The following CASK variants were observed in gnomAD, a reference collection of about 807,000 sequenced individuals.
The protein encoded by CASK is peripheral plasma membrane protein CASK.
In CASK, 4 loss-of-function variants were observed where a neutral mutation model predicts 82.9. That is an observed-to-expected ratio of 0.05 (90% CI 0.02 to 0.11). The LOEUF (loss-of-function observed/expected upper bound fraction) is 0.11. Ranked by LOEUF, CASK falls within the 10% of genes least tolerant of loss-of-function variation. CASK has a pLI of 1.00. For synonymous variants in CASK, 259 were observed against 253.5 expected (o/e 1.02, Z -0.20); for missense variants, 358 against 720.9 (o/e 0.50, Z 5.76).
intron 1 of CASK, among the ~76,000 whole-genome samples, chrX:41,907,453 C>T (rs753115002): frequency 1.8e-5 from 2 of 111,804 alleles, no homozygotes; most frequent in East Asian, 5.6e-4. Context: ...GTATTTTATA[C>T]GAAGTTGACC....
rs1345819408 is a variant in CASK at position 41,829,711 on chromosome X, A to ACATATATG, written c.172+23403_172+23404insCATATATG. Among the ~76,000 whole-genome samples the ACATATATG allele has an allele frequency of 7.1e-4, 10 of 14,067 alleles. 1 individual carries two copies. The highest frequency in any genetic ancestry group is 8.4e-4 in the Non-Finnish European group (8 of 9,523). The allele number at this position is 14,067 out of a possible 115,157, so 12.2% of individuals were successfully genotyped here. A position where few individuals can be genotyped will look rare whatever the true frequency, so the allele number is the denominator to read the frequency against. On this transcript the variant is annotated intron_variant, in intron 2 of 26. Transcript: ENST00000378163. ...TAGGTCACAAGATATATATATATAT[A>ACATATATG]TATATATATATATATATATATATAT... is the stretch of plus-strand genomic sequence containing the variant.
At chrX:41,777,079 T>C (rs1439340141) in intron 3 of CASK, among the ~76,000 whole-genome samples, 1 of 111,979 alleles carries the variant, frequency 8.9e-6, no homozygotes, top group Non-Finnish European at 1.9e-5. Flanking sequence ...AATGAATAAA[T>C]AGTGCGAGTT....
chrX:41,700,931 C>CAAAAAAAA (rs1215266415), intron 5 of CASK, among the ~76,000 whole-genome samples: 2 of 37,121 alleles, frequency 5.4e-5, no homozygotes, highest in African/African-American at 1.2e-4. Context: ...GACTCCGTCT[C>CAAAAAAAA]AAAAAAAAAA....
chrX:41,893,040 A>T (rs927180755), intron 1 of CASK, among the ~76,000 whole-genome samples: 1 of 112,349 alleles, frequency 8.9e-6, no homozygotes, highest in African/African-American at 3.2e-5. Context: ...ATAATGAGTT[A>T]TCAAGAACAT....
intron 10 of CASK, among the ~76,000 whole-genome samples, chrX:41,623,035 A>C (rs1222708944): frequency 1.8e-5 from 2 of 109,999 alleles, no homozygotes; most frequent in African/African-American, 6.6e-5. Flanking sequence ...CTAGGACTAC[A>C]GGCACATGCC....
intron 21 of CASK, among the ~76,000 whole-genome samples, chrX:41,547,016 C>T (rs1210337904): frequency 6.3e-5 from 7 of 111,036 alleles, no homozygotes; most frequent in African/African-American, 9.8e-5. Context: ...CTGCAACCTC[C>T]GCCTCCCGGG....
chrX:41,806,799 T>G (rs181482914), intron 2 of CASK, among the ~76,000 whole-genome samples: 1 of 112,108 alleles, frequency 8.9e-6, no homozygotes, highest in Admixed American at 9.5e-5. Flanking sequence ...TGTATGTGTA[T>G]GTAAAAACAC....
chrX:41,638,613 G>A (rs1041578397), intron 8 of CASK, among the ~76,000 whole-genome samples: 1 of 111,290 alleles, frequency 9.0e-6, no homozygotes, highest in Non-Finnish European at 1.9e-5. Flanking sequence ...ATTTAGAAGA[G>A]GTGAGGGAGT....
chrX:41,554,681 T>A (rs753356982), intron 20 of CASK, among the ~76,000 whole-genome samples: 54 of 111,805 alleles, frequency 4.8e-4, no homozygotes, highest in Non-Finnish European at 8.9e-4. Context: ...GGGTTTATTA[T>A]ATGGCAGCAT....
chrX:41,904,470 C>T (rs1031755439), intron 1 of CASK, among the ~76,000 whole-genome samples: 2 of 112,058 alleles, frequency 1.8e-5, no homozygotes, highest in Admixed American at 1.9e-4. Flanking sequence ...AAAAGATGTA[C>T]AAGACTTGTA....
intron 15 of CASK, among the ~76,000 whole-genome samples, chrX:41,573,322 C>T (rs2065442316): frequency 9.3e-6 from 1 of 107,025 alleles, no homozygotes; most frequent in African/African-American, 3.4e-5. Flanking sequence ...GTTTCTTGTG[C>T]TTGGGGTTTG....
At chrX:41,697,633 A>T (rs1240203001) in intron 5 of CASK, 1 of 111,778 alleles carries the variant, frequency 8.9e-6, no homozygotes, top group Non-Finnish European at 1.9e-5. Flanking sequence ...TGGTTTACTC[A>T]CGAAATGGAA....
chrX:41,637,337 C>CA (rs2066572365), intron 8 of CASK, among the ~76,000 whole-genome samples: 1 of 97,019 alleles, frequency 1.0e-5, no homozygotes, highest in Non-Finnish European at 2.0e-5. Flanking sequence ...TCTACGTTGT[C>CA]ATGGACTATA....
intron 5 of CASK, among the ~76,000 whole-genome samples, chrX:41,716,567 C>CA (rs1569416108): frequency 8.1e-5 from 9 of 111,114 alleles, no homozygotes. Flanking sequence ...ATCACCTCAA[C>CA]TTTTTTTTTA....
chrX:41,846,783 G>A lies in CASK; in HGVS notation c.172+6332C>T, dbSNP rs548110074. 5.5e-4 allele frequency among the ~76,000 whole-genome samples: 61 copies of A among 111,600 alleles called. 1 individual carries two copies. The South Asian group carries it at 5.6e-3, about 10-fold the overall frequency. ...TTTTCCTTTTAGCATAAATAACTACGTTTAGTATTCCTTGTAGGACAAGGA... is the reference window on the plus strand; with the variant it reads ...TTTTCCTTTTAGCATAAATAACTACATTTAGTATTCCTTGTAGGACAAGGA... On this transcript the variant is annotated intron_variant, in intron 2 of 26. Coordinates refer to ENST00000378163, the MANE Select transcript of CASK (RefSeq NM_001367721.1).
At chrX:41,572,354 T>C (rs1187104651) in intron 15 of CASK, among the ~76,000 whole-genome samples, 1 of 111,131 alleles carries the variant, frequency 9.0e-6, no homozygotes, top group Non-Finnish European at 1.9e-5. Flanking sequence ...TCTTGCTATT[T>C]GACTTCTATT....
In CASK at chrX:41,758,262, C is replaced by T. The variant is rs1468000023; in HGVS notation, c.279-12661G>A. On this transcript the variant is annotated intron_variant, in intron 3 of 26. Transcript: ENST00000378163. The stretch of plus-strand genomic sequence containing the variant: ...CCAGCCTGGCCAACGTGGTGAAACC[C>T]CGTCTCTACTAAAAATACAAAAGTT... Among the ~76,000 whole-genome samples, 4 of 109,767 alleles carry T rather than the reference C, an allele frequency of 3.6e-5. No homozygotes were observed. The East Asian group carries it at 1.1e-3, about 31-fold the overall frequency.
intron 15 of CASK, among the ~76,000 whole-genome samples, chrX:41,577,253 T>A (rs1204740661): frequency 1.8e-5 from 2 of 111,876 alleles, no homozygotes; most frequent in East Asian, 5.6e-4. Flanking sequence ...CAATCCATTG[T>A]TAAGGCTTAC....
At chrX:41,565,439 C>G (rs1163304268) in intron 16 of CASK, among the ~76,000 whole-genome samples, 3 of 111,902 alleles carry the variant, frequency 2.7e-5, no homozygotes, top group Non-Finnish European at 5.6e-5. Flanking sequence ...AAACTACCAT[C>G]AGAGAATACT....
Sources: gnomAD v4.1 joint callset for allele counts (sites outside exome capture counted in the v4.1 genomes callset) on GRCh38, gnomAD v4.1.1 for gene constraint, MANE v1.5 for transcripts, NCBI Gene and HGNC (gene_info 2026-07-23, HGNC 2026-07-21) for gene names.